Variants in SSH3 observed in about 807,000 individuals in gnomAD.
SSH3 encodes slingshot protein phosphatase 3, also known as protein phosphatase Slingshot homolog 3.
Under a neutral mutation model 75.0 loss-of-function variants are expected in SSH3, and 67 were observed. That is an observed-to-expected ratio of 0.89 (90% CI 0.73 to 1.10). The LOEUF is 1.10. Among genes scored for constraint, SSH3 ranks in the 50% least tolerant of loss-of-function variants. The pLI, the probability that SSH3 is intolerant of heterozygous loss-of-function variation, is 0.00. For missense variants in SSH3, 824 were observed against 872.7 expected, an observed-to-expected ratio of 0.94 and a Z score of 0.70; for synonymous variants, 318 against 349.2, an observed-to-expected ratio of 0.91 and a Z score of 1.00.
At chr11:67,310,761 A>T (rs994390592) in intron 13 of SSH3, among the ~76,000 whole-genome samples, 1 of 152,146 alleles carries the variant, frequency 6.6e-6, no homozygotes, top group Non-Finnish European at 1.5e-5. Flanking sequence ...CAGCCTGACC[A>T]CAGGACTAGC....
At chr11:67,305,394 T>C (rs1182843726) in intron 3 of SSH3, among the ~76,000 whole-genome samples, 1 of 152,144 alleles carries the variant, frequency 6.6e-6, no homozygotes, top group Non-Finnish European at 1.5e-5. Context: ...TTCACCGTGT[T>C]AGCCAGGGTG....
chr11:67,309,752 T>TG lies in SSH3; in HGVS notation c.1209-14dup. ...CATGGTGAGGGGAGGGTGCTGAACCTGGCCTGCTTCCACAGAGCACAGGGC... is the reference window on the plus strand; with the variant it reads ...CATGGTGAGGGGAGGGTGCTGAACCTGGGCCTGCTTCCACAGAGCACAGGGC... On this transcript the variant is annotated splice_polypyrimidine_tract_variant and intron_variant, in intron 11 of 13. Coordinates refer to ENST00000308127, the MANE Select transcript of SSH3 (RefSeq NM_017857.4). 2 of 1,611,860 alleles carry TG rather than the reference T, an allele frequency of 1.2e-6. No homozygotes were observed. The highest frequency in any genetic ancestry group is 1.7e-5 in the Admixed American group (1 of 60,026).
In SSH3 at chr11:67,310,214, G is replaced by GC. The variant is rs1565090672; in HGVS notation, c.1559dup (p.Ala521SerfsTer38). ...GGTTGTAGGCATGGAAGAGAGCCAG[G>GC]CAGCCCCGAAAGAAGAGCCTGGGCC... On this transcript the variant is annotated frameshift_variant, in exon 13 of 14. Coordinates refer to ENST00000308127, the MANE Select transcript of SSH3 (RefSeq NM_017857.4). 5 of 1,614,228 alleles carry GC rather than the reference G, an allele frequency of 3.1e-6. No individual in the cohort carries two copies.
In SSH3 at chr11:67,311,674, G is replaced by C; in HGVS notation, c.1767G>C (p.Val589=). The C allele has an allele frequency of 6.2e-7, 1 of 1,614,136 alleles. No individual in the cohort carries two copies. Among genetic ancestry groups the C allele is most frequent in the Non-Finnish European group, 8.5e-7 (1 of 1,180,032 alleles). Residue 589 remains valine, a synonymous_variant, in exon 14 of 14, where the codon GTG becomes GTC. Transcript: ENST00000308127. ...QLARTKGGQQ[V]DRGPQPALKS... Reference sequence around the variant, plus strand: ...CAAGGACCAAGGGAGGCCAGCAGGTGGACAGGGGGCCTCAGCCTGCCCTGA... The same window carrying C: ...CAAGGACCAAGGGAGGCCAGCAGGTCGACAGGGGGCCTCAGCCTGCCCTGA...
chr11:67,305,332 A>C (rs1271939152), intron 3 of SSH3, among the ~76,000 whole-genome samples: 47 of 150,412 alleles, frequency 3.1e-4, no homozygotes, highest in African/African-American at 1.1e-3. Context: ...GACTACAGGC[A>C]CCCGCCACTA....
chr11:67,309,006 T>G (rs145959761), intron 10 of SSH3, among the ~76,000 whole-genome samples: 2 of 152,240 alleles, frequency 1.3e-5, no homozygotes, highest in Non-Finnish European at 2.9e-5. Context: ...CGTGGGGACC[T>G]GGCTGCCTGC....
In SSH3 at chr11:67,304,928, G is replaced by A. The variant is rs1861188804; in HGVS notation, c.260G>A (p.Ser87Asn). The change falls in exon 3 of 14, where the codon AGT (serine) becomes AAT (asparagine). Residue 87 changes from serine to asparagine, a missense_variant. Ser to Asn is a conservative substitution (Grantham distance 46, BLOSUM62 1). Coordinates refer to ENST00000308127, the MANE Select transcript of SSH3 (RefSeq NM_017857.4). ...DQTDFGQGSQ[S>N]PQKQEEQRQH... The stretch of plus-strand genomic sequence containing the variant: ...ACAGACTTCGGGCAAGGATCCCAGA[G>A]TCCCCAGAAGCAGGAGGAGCAGAGG... 4 of 1,613,650 alleles carry A rather than the reference G, an allele frequency of 2.5e-6. No individual in the cohort carries two copies. The highest frequency in any genetic ancestry group is 2.7e-5 in the African/African-American group (2 of 74,914).
chr11:67,305,141 C>A lies in SSH3; in HGVS notation c.339+134C>A, dbSNP rs142412774. Reference sequence around the variant, plus strand: ...GGCAGCCTGGGGAGTGTTGGGGTTACCCATATCCCAGTGACCCTGCTGTTT... The same window carrying A: ...GGCAGCCTGGGGAGTGTTGGGGTTAACCATATCCCAGTGACCCTGCTGTTT... On this transcript the variant is annotated intron_variant, in intron 3 of 13. Transcript: ENST00000308127. 2.5e-4 allele frequency: 198 copies of A among 801,072 alleles called. 1 individual carries two copies. In the East Asian group the frequency reaches 5.0e-3, roughly 20 times the overall value. 49.6% of individuals were successfully genotyped at this position (801,072 alleles called of 1,614,324 possible).
intron 13 of SSH3, 32 bp downstream of exon 13, chr11:67,310,371 A>AG: frequency 6.4e-7 from 1 of 1,568,674 alleles, no homozygotes; most frequent in Non-Finnish European, 8.7e-7. Flanking sequence ...CTCAGCTTGC[A>AG]GGGGTGGGGG....
At chr11:67,306,771 G>A (rs1861256387) in intron 3 of SSH3, 67 bp from the exon 4 acceptor site, 6 of 1,521,190 alleles carry the variant, frequency 3.9e-6, no homozygotes, top group Non-Finnish European at 5.3e-6. Context: ...TTCTGGGCCT[G>A]GGGTGTCTAG....
At chr11:67,310,611 G>A (rs1469198003) in intron 13 of SSH3, among the ~76,000 whole-genome samples, 1 of 152,190 alleles carries the variant, frequency 6.6e-6, no homozygotes, top group African/African-American at 2.4e-5. Flanking sequence ...GGGCCCCTGA[G>A]AGCAGCTGAG....
Position 67,304,997 on chromosome 11 carries a change from A to G in SSH3, c.329A>G (p.Asp110Gly), listed in dbSNP as rs746534042. The G allele has an allele frequency of 5.0e-6, 8 of 1,610,444 alleles. No individual in the cohort carries two copies. In the Admixed American group the frequency reaches 1.0e-4, roughly 20 times the overall value. ...LMVQLLRPQD[D>G]IRLAAQLEAP... is the part of the protein sequence containing the mutation. The stretch of plus-strand genomic sequence containing the variant: ...GTACAGCTGCTGAGGCCGCAGGATG[A>G]CATCCGCCTGGTGAGGGCCCATGTG... Residue 110 changes from aspartate to glycine, a missense_variant, in exon 3 of 14, where the codon GAC becomes GGC. Physicochemically the swap from Asp to Gly is moderately conservative, Grantham distance 94. Transcript: ENST00000308127.
At position 67,305,087 on chromosome 11, in the gene SSH3, G is replaced by T. The variant is rs1371996368; in HGVS notation, c.339+80G>T. On this transcript the variant is annotated intron_variant, in intron 3 of 13. Transcript: ENST00000308127. ...AGAATGGAGCCCTGTGTATGTGTCT[G>T]CTTGGGGAGCAATGGTGTGAGGGCA... The T allele has an allele frequency of 2.9e-6, 4 of 1,393,278 alleles. No homozygotes were observed. In the African/African-American group the frequency reaches 5.7e-5, roughly 20 times the overall value. 86.3% of individuals were successfully genotyped at this position (1,393,278 alleles called of 1,614,324 possible). A position where few individuals can be genotyped will look rare whatever the true frequency, so the allele number is the denominator to read the frequency against.
At chr11:67,310,450 G>C in intron 13 of SSH3, 111 bp downstream of exon 13, 1 of 1,365,134 alleles carries the variant, frequency 7.3e-7, no homozygotes, top group Non-Finnish European at 9.8e-7. Flanking sequence ...GGCGTACCCG[G>C]GCTAAGTCTG....
chr11:67,305,017 C>T lies in SSH3; in HGVS notation c.339+10C>T, dbSNP rs764387579. On this transcript the variant is annotated intron_variant, in intron 3 of 13. Coordinates refer to ENST00000308127, the MANE Select transcript of SSH3 (RefSeq NM_017857.4). ...GGATGACATCCGCCTGGTGAGGGCC[C>T]ATGTGGAGCTCCGGGGGGTGGGGGG... is the stretch of plus-strand genomic sequence containing the variant. The T allele has an allele frequency of 2.5e-6, 4 of 1,600,534 alleles. No homozygotes were observed. The highest frequency in any genetic ancestry group is 2.6e-6 in the Non-Finnish European group (3 of 1,175,194).
chr11:67,310,990 G>A (rs917563210), intron 13 of SSH3, among the ~76,000 whole-genome samples: 6 of 152,188 alleles, frequency 3.9e-5, no homozygotes, highest in Non-Finnish European at 5.9e-5. Flanking sequence ...TCAGTGCTGC[G>A]GGCACAAGCC....
intron 3 of SSH3, 50 bp from the exon 4 acceptor site, chr11:67,306,788 A>C (rs1406946915): frequency 6.4e-7 from 1 of 1,556,878 alleles, no homozygotes; most frequent in Non-Finnish European, 8.7e-7. Flanking sequence ...CTAGGTGGGG[A>C]GCAGGGTCCT....
chr11:67,307,833 G>A lies in SSH3; in HGVS notation c.792-13G>A, dbSNP rs759418319. The A allele has an allele frequency of 1.1e-5, 18 of 1,614,174 alleles. No individual in the cohort carries two copies. In the East Asian group the frequency reaches 3.8e-4, roughly 34 times the overall value. On this transcript the variant is annotated splice_polypyrimidine_tract_variant and intron_variant, in intron 7 of 13. Coordinates refer to ENST00000308127, the MANE Select transcript of SSH3 (RefSeq NM_017857.4). The surrounding 1 kb of genome is among the most constrained non-coding windows in gnomAD (Gnocchi z 4.2). ...GGGGAAAGGGCCCCTTGACTGAGGG[G>A]CTCTGCTCCCAGGTCCTCAGAACAG...
At chr11:67,305,052 G>A (rs200871845) in intron 3 of SSH3, 45 bp downstream of exon 3, 49 of 1,554,588 alleles carry the variant, frequency 3.2e-5, no homozygotes, top group Non-Finnish European at 3.8e-5. Context: ...GAAGAGACAC[G>A]CCTGAGGGCA....
Sources: allele counts gnomAD v4.1 joint callset (sites outside exome capture counted in the v4.1 genomes callset), GRCh38; gene constraint gnomAD v4.1.1; non-coding constraint Gnocchi (gnomAD v3.1); transcripts MANE v1.5; gene names NCBI Gene and HGNC (gene_info 2026-07-23, HGNC 2026-07-21).